Variants in PCDHGB7 observed in about 807,000 individuals in gnomAD.
PCDHGB7 encodes the protein protocadherin gamma subfamily B, 7.
PCDHGB7 carries 37 observed loss-of-function variants against 61.4 expected under a neutral mutation model. That is an observed-to-expected ratio of 0.60 (90% CI 0.46 to 0.79). PCDHGB7 has a LOEUF of 0.79. PCDHGB7 is among the 30% of genes least tolerant of loss of function. The probability of loss-of-function intolerance (pLI) is 0.00; values close to 1 mark genes in which losing one functional copy is unlikely to be tolerated. For synonymous variants in PCDHGB7, 464 were observed against 503.5 expected (o/e 0.92, Z 1.05); for missense variants, 1,166 against 1,202.5 (o/e 0.97, Z 0.45).
rs2099748032 is a variant in PCDHGB7 at position 141,493,397 on chromosome 5, G to A, written c.2416-1410G>A. ...TTAAAAGCTTGAGGACAGGAGAGGG[G>A]AGTTGCCTCTGCTGGGATTTTGCTT... On this transcript the variant is annotated intron_variant, in intron 1 of 3. Coordinates refer to ENST00000398594, the MANE Select transcript of PCDHGB7 (RefSeq NM_018927.4). This position sits in a 1 kb window ranked among gnomAD's most constrained non-coding sequence, Gnocchi z 4.3. Among the ~76,000 whole-genome samples the A allele has an allele frequency of 6.6e-6, 1 of 152,176 alleles. No individual in the cohort carries two copies. Among genetic ancestry groups the A allele is most frequent in the Non-Finnish European group, 1.5e-5 (1 of 68,040 alleles).
At chr5:141,454,344 G>A (rs1455147295) in intron 1 of PCDHGB7, among the ~76,000 whole-genome samples, 3 of 152,236 alleles carry the variant, frequency 2.0e-5, no homozygotes, top group Non-Finnish European at 4.4e-5. Flanking sequence ...AATGTTGGAA[G>A]TTGATCCAAA....
chr5:141,442,786 A>T (rs569050347), intron 1 of PCDHGB7, among the ~76,000 whole-genome samples: 12 of 152,308 alleles, frequency 7.9e-5, no homozygotes, highest in African/African-American at 2.6e-4. Context: ...TATATTTTAT[A>T]ATTTTACTTT....
In PCDHGB7 at chr5:141,432,091, C is replaced by A. The variant is rs370491149; in HGVS notation, c.2415+11817C>A. ...CTCATATCTCGCTGAACGTGGCAGA[C>A]ACCAACGACAACCCGCCGGTCTTCC... On this transcript the variant is annotated intron_variant, in intron 1 of 3. Coordinates refer to ENST00000398594, the MANE Select transcript of PCDHGB7 (RefSeq NM_018927.4). This position sits in a 1 kb window ranked among gnomAD's most constrained non-coding sequence, Gnocchi z 6.0. 6.2e-7 allele frequency: 1 copy of A among 1,614,056 alleles called. No individual in the cohort carries two copies. Among genetic ancestry groups the A allele is most frequent in the African/African-American group, 1.3e-5 (1 of 74,908 alleles).
chr5:141,438,760 C>T (rs1346379482), intron 1 of PCDHGB7, among the ~76,000 whole-genome samples: 4 of 148,802 alleles, frequency 2.7e-5, no homozygotes, highest in South Asian at 2.1e-4. Context: ...CTCCTGGGTT[C>T]AAGCGATTCT....
At chr5:141,460,569 T>C (rs1234392082) in intron 1 of PCDHGB7, among the ~76,000 whole-genome samples, 2 of 152,100 alleles carry the variant, frequency 1.3e-5, no homozygotes, top group Admixed American at 1.3e-4. Context: ...GCCATGGACA[T>C]ATGTAGGTGT....
rs1298454674 is a variant in PCDHGB7, at chr5:141,438,625, TATATATATATAC to T, written c.2415+18353_2415+18364del. 7.7e-3 allele frequency among the ~76,000 whole-genome samples: 357 copies of T among 46,390 alleles called. 5 individuals are homozygous for T. The East Asian group carries it at 0.082, about 11-fold the overall frequency. 30.4% of individuals were successfully genotyped at this position (46,390 alleles called of 152,430 possible). A position where few individuals can be genotyped will look rare whatever the true frequency, so the allele number is the denominator to read the frequency against. On this transcript the variant is annotated intron_variant, in intron 1 of 3. Transcript: ENST00000398594. ...ATATATATATATATATATATATATATATATATATATACACACACACACACACATATATGTATA... is the reference window on the plus strand; with the variant it reads ...ATATATATATATATATATATATATATACACACACACACACATATATGTATA...
chr5:141,417,798 C>T lies in PCDHGB7; in HGVS notation c.-62C>T. ...TGTCCTGGGCCGAATGCTCTTTTAGCGCGGTAGAGTGCACTTTCTCCAACT... is the reference window on the plus strand; with the variant it reads ...TGTCCTGGGCCGAATGCTCTTTTAGTGCGGTAGAGTGCACTTTCTCCAACT... On this transcript the variant is annotated 5_prime_UTR_variant, in exon 1 of 4. Coordinates refer to ENST00000398594, the MANE Select transcript of PCDHGB7 (RefSeq NM_018927.4). The T allele has an allele frequency of 1.3e-6, 2 of 1,486,472 alleles. No homozygotes were observed. The highest frequency in any genetic ancestry group is 1.8e-6 in the Non-Finnish European group (2 of 1,116,156). The allele number at this position is 1,486,472 out of a possible 1,614,324, so 92.1% of individuals were successfully genotyped here.
At position 141,424,135 on chromosome 5, in the gene PCDHGB7, G is replaced by A. The variant is rs572224199; in HGVS notation, c.2415+3861G>A. 1.1e-4 allele frequency: 47 copies of A among 431,606 alleles called. No individual in the cohort carries two copies. The South Asian group carries it at 4.6e-3, about 43-fold the overall frequency. The allele number at this position is 431,606 out of a possible 1,614,324, so 26.7% of individuals were successfully genotyped here. On this transcript the variant is annotated intron_variant, in intron 1 of 3. Coordinates refer to ENST00000398594, the MANE Select transcript of PCDHGB7 (RefSeq NM_018927.4). The stretch of plus-strand genomic sequence containing the variant: ...AAATTTTGATCCTGTTGATTTAATA[G>A]CATGCTCCCTCTAGCTCTCCTTCTC...
At chr5:141,446,767 G>A (rs891355909) in intron 1 of PCDHGB7, among the ~76,000 whole-genome samples, 12 of 152,118 alleles carry the variant, frequency 7.9e-5, no homozygotes, top group Non-Finnish European at 1.2e-4. Flanking sequence ...GCGCCCAGCC[G>A]GTTACCATTC....
intron 1 of PCDHGB7, among the ~76,000 whole-genome samples, chr5:141,443,781 C>CA (rs1227271563): frequency 8.6e-5 from 13 of 150,636 alleles, no homozygotes; most frequent in South Asian, 2.1e-4. Flanking sequence ...ACCAAAAAGA[C>CA]AAAAAAAATG....
chr5:141,444,897 G>T (rs1445334623), intron 1 of PCDHGB7, among the ~76,000 whole-genome samples: 1 of 152,274 alleles, frequency 6.6e-6, no homozygotes, highest in African/African-American at 2.4e-5. Flanking sequence ...GAATGGGATG[G>T]CATTGCATCT....
chr5:141,454,693 A>G (rs951819293), intron 1 of PCDHGB7, among the ~76,000 whole-genome samples: 1 of 151,738 alleles, frequency 6.6e-6, no homozygotes, highest in Non-Finnish European at 1.5e-5. Context: ...GGCATGAGCC[A>G]CCATGCTCCA....
intron 1 of PCDHGB7, chr5:141,427,469 C>A: frequency 2.0e-6 from 1 of 510,092 alleles, no homozygotes; most frequent in Non-Finnish European, 3.8e-6. Flanking sequence ...TCGAATCTTC[C>A]GCCAATAATG....
intron 1 of PCDHGB7, chr5:141,441,447 C>T: frequency 6.2e-6 from 1 of 161,550 alleles, no homozygotes. Flanking sequence ...CCAGCCCAAG[C>T]ATCACCCTAC....
intron 1 of PCDHGB7, among the ~76,000 whole-genome samples, chr5:141,469,392 T>C (rs2099199760): frequency 6.6e-6 from 1 of 152,046 alleles, no homozygotes; most frequent in South Asian, 2.1e-4. Flanking sequence ...CTGGCCAACA[T>C]GGTGAAACCC....
intron 1 of PCDHGB7, among the ~76,000 whole-genome samples, chr5:141,483,875 AT>A (rs2154580008): frequency 6.6e-6 from 1 of 151,964 alleles, no homozygotes; most frequent in Admixed American, 6.6e-5. Context: ...ATCAGGATGG[AT>A]TTTTCTATTT....
chr5:141,485,674 T>C lies in PCDHGB7; in HGVS notation c.2416-9133T>C. 1 of 1,612,986 alleles carries C rather than the reference T, an allele frequency of 6.2e-7. No homozygotes were observed. Among genetic ancestry groups the C allele is most frequent in the South Asian group, 1.1e-5 (1 of 91,072 alleles). Reference sequence around the variant, plus strand: ...ATGCAGATGTGGGGAGCAATTCGATTAGCAGCTATAGGCTGAGCTCCAATG... The same window carrying C: ...ATGCAGATGTGGGGAGCAATTCGATCAGCAGCTATAGGCTGAGCTCCAATG... On this transcript the variant is annotated intron_variant, in intron 1 of 3. Transcript: ENST00000398594. This position sits in a 1 kb window ranked among gnomAD's most constrained non-coding sequence, Gnocchi z 5.7.
chr5:141,487,811 A>T lies in PCDHGB7; in HGVS notation c.2416-6996A>T, dbSNP rs1389081995. 2.1e-6 allele frequency: 3 copies of T among 1,414,662 alleles called. No homozygotes were observed. In the African/African-American group the frequency reaches 4.3e-5, roughly 20 times the overall value. 87.6% of individuals were successfully genotyped at this position (1,414,662 alleles called of 1,614,324 possible). A position where few individuals can be genotyped will look rare whatever the true frequency, so the allele number is the denominator to read the frequency against. ...TTAACCAGAGTTGTCACAGTTTAGCATTGGGGGCGGGTCATGCCTATATCT... is the reference window on the plus strand; with the variant it reads ...TTAACCAGAGTTGTCACAGTTTAGCTTTGGGGGCGGGTCATGCCTATATCT... On this transcript the variant is annotated intron_variant, in intron 1 of 3. Transcript: ENST00000398594. The surrounding 1 kb of genome is among the most constrained non-coding windows in gnomAD (Gnocchi z 5.0).
intron 1 of PCDHGB7, among the ~76,000 whole-genome samples, chr5:141,482,765 T>C (rs2099572013): frequency 7.9e-6 from 1 of 127,068 alleles, no homozygotes; most frequent in African/African-American, 3.6e-5. Flanking sequence ...TATTTCATTA[T>C]CACTGAACCT....
Sources: allele counts gnomAD v4.1 joint callset (sites outside exome capture counted in the v4.1 genomes callset), GRCh38; gene constraint gnomAD v4.1.1; non-coding constraint Gnocchi (gnomAD v3.1); transcripts MANE v1.5; gene names NCBI Gene and HGNC (gene_info 2026-07-23, HGNC 2026-07-21).